The following SORCS1 variants were observed in gnomAD, a reference collection of about 807,000 sequenced individuals.
The protein encoded by SORCS1 is VPS10 domain-containing receptor SorCS1.
In SORCS1, 60 loss-of-function variants were observed where a neutral mutation model predicts 146.1. The ratio of observed to expected loss-of-function variants is 0.41; its 90% confidence interval spans 0.33 to 0.51. SORCS1 has a LOEUF of 0.51. SORCS1 is among the 20% of genes least tolerant of loss of function. SORCS1 has a pLI of 0.21. For missense variants in SORCS1, 1,352 were observed against 1,487.6 expected (o/e 0.91, Z 1.50); for synonymous variants, 637 against 584.0 (o/e 1.09, Z -1.31).
intron 10 of SORCS1, 52 bp downstream of exon 10, chr10:106,688,140 C>G: frequency 6.3e-7 from 1 of 1,578,328 alleles, no homozygotes; most frequent in Non-Finnish European, 8.6e-7. Flanking sequence ...GTTAAATATC[C>G]ATTTCCATCC....
intron 18 of SORCS1, among the ~76,000 whole-genome samples, chr10:106,639,513 T>C (rs1848929526): frequency 6.6e-6 from 1 of 152,210 alleles, no homozygotes; most frequent in Admixed American, 6.5e-5. Flanking sequence ...TAGAAAGAGT[T>C]GCTAACCAAT....
intron 2 of SORCS1, among the ~76,000 whole-genome samples, chr10:106,893,440 G>A (rs1951315893): frequency 6.6e-6 from 1 of 151,908 alleles, no homozygotes; most frequent in African/African-American, 2.4e-5. Context: ...GAGGGCAGGG[G>A]CTATGTACTT....
At chr10:106,720,126 C>T (rs927305458) in intron 6 of SORCS1, among the ~76,000 whole-genome samples, 3 of 152,270 alleles carry the variant, frequency 2.0e-5, no homozygotes, top group African/African-American at 7.2e-5. Context: ...ACTTCTCATA[C>T]AAATACTTCA....
chr10:106,859,456 C>T (rs560031126), intron 2 of SORCS1, among the ~76,000 whole-genome samples: 83 of 152,248 alleles, frequency 5.5e-4, no homozygotes, highest in African/African-American at 9.6e-4. Context: ...TGTGGCGGCG[C>T]GATGTTGGCT....
At chr10:106,799,585 A>G (rs761651907) in intron 3 of SORCS1, among the ~76,000 whole-genome samples, 32 of 152,284 alleles carry the variant, frequency 2.1e-4, no homozygotes, top group Non-Finnish European at 2.2e-4. Flanking sequence ...TGAACAGACA[A>G]TTCTCAAAAA....
chr10:106,675,111 T>G lies in SORCS1; in HGVS notation c.1878A>C (p.Thr626=). The change falls in exon 14 of 26, where the codon ACA becomes ACC. Residue 626 remains threonine, a synonymous_variant. Coordinates refer to ENST00000263054, the MANE Select transcript of SORCS1 (RefSeq NM_052918.5). The part of the protein sequence containing the change: ...EGRSWSKYSF[T]SIPLFVDGVL... ...CCCCATCCACAAAAAGTGGAATAGA[T>G]GTGAAACTGTATTTGCTCCAAGATC... 3 of 1,613,996 alleles carry G rather than the reference T, an allele frequency of 1.9e-6. No homozygotes were observed. The highest frequency in any genetic ancestry group is 2.5e-6 in the Non-Finnish European group (3 of 1,179,920).
rs545185104 is a variant in SORCS1 at position 107,148,545 on chromosome 10, A to T, written c.558+15424T>A. Among the ~76,000 whole-genome samples the T allele has an allele frequency of 3.5e-3, 526 of 152,372 alleles. 8 individuals are homozygous for T. The highest frequency in any genetic ancestry group is 0.012 in the African/African-American group (489 of 41,592). The stretch of plus-strand genomic sequence containing the variant: ...TAGGACAGATATAGCCCATGGGCTA[A>T]AATTTGGCCACCCCTGTGTAAATTA... On this transcript the variant is annotated intron_variant, in intron 1 of 25. Transcript: ENST00000263054.
intron 19 of SORCS1, among the ~76,000 whole-genome samples, chr10:106,625,049 G>A (rs990748951): frequency 1.3e-5 from 2 of 152,198 alleles, no homozygotes; most frequent in African/African-American, 4.8e-5. Context: ...ACAGTAGGTG[G>A]CGCTGCATCA....
chr10:106,922,950 G>A (rs1427540420), intron 2 of SORCS1, among the ~76,000 whole-genome samples: 4 of 148,782 alleles, frequency 2.7e-5, no homozygotes, highest in East Asian at 2.0e-4. Flanking sequence ...GTGTGGTGGC[G>A]CAATCTCAGC....
At chr10:107,106,630 A>T (rs1215068542) in intron 1 of SORCS1, among the ~76,000 whole-genome samples, 1 of 152,202 alleles carries the variant, frequency 6.6e-6, no homozygotes, top group Non-Finnish European at 1.5e-5. Context: ...AGGAATAAAG[A>T]TTCTCCTTTT....
intron 1 of SORCS1, among the ~76,000 whole-genome samples, chr10:107,034,699 A>C (rs1263169230): frequency 6.8e-6 from 1 of 146,732 alleles, no homozygotes; most frequent in African/African-American, 2.5e-5. Context: ...AAAAAAAAAA[A>C]AAAAAAAACA....
At chr10:106,740,141 A>G (rs2136099561) in intron 5 of SORCS1, among the ~76,000 whole-genome samples, 1 of 152,258 alleles carries the variant, frequency 6.6e-6, no homozygotes, top group Middle Eastern at 3.4e-3. Flanking sequence ...TAAGTTGTGG[A>G]AATGCAGTAC....
At chr10:106,723,395 GCA>G (rs34071599) in intron 6 of SORCS1, among the ~76,000 whole-genome samples, 3,065 of 149,248 alleles carry the variant, frequency 0.021, 93 homozygotes, top group African/African-American at 0.063. Context: ...CTCCTACGAT[GCA>G]CACACACACA....
intron 2 of SORCS1, among the ~76,000 whole-genome samples, chr10:106,909,950 T>C (rs983199673): frequency 1.3e-5 from 2 of 152,326 alleles, no homozygotes; most frequent in East Asian, 1.9e-4. Context: ...ATCCATGTTG[T>C]ATATCATGGC....
At chr10:106,830,824 A>G (rs2137020128) in intron 2 of SORCS1, among the ~76,000 whole-genome samples, 1 of 150,124 alleles carries the variant, frequency 6.7e-6, no homozygotes, top group African/African-American at 2.5e-5. Flanking sequence ...TGAAACCAGG[A>G]GGCAGAGACT....
At chr10:106,602,569 A>G (rs1846316517) in intron 23 of SORCS1, among the ~76,000 whole-genome samples, 1 of 151,674 alleles carries the variant, frequency 6.6e-6, no homozygotes, top group Non-Finnish European at 1.5e-5. Context: ...ACACAAATTT[A>G]GCCTGATTAA....
chr10:106,824,427 T>A (rs1035748129), intron 3 of SORCS1, among the ~76,000 whole-genome samples: 3 of 151,290 alleles, frequency 2.0e-5, no homozygotes, highest in African/African-American at 7.3e-5. Context: ...CCACCTCTAC[T>A]AAAAATATGA....
chr10:107,122,681 C>G (rs1337057009), intron 1 of SORCS1, among the ~76,000 whole-genome samples: 1 of 152,008 alleles, frequency 6.6e-6, no homozygotes, highest in African/African-American at 2.4e-5. Flanking sequence ...AAATGTCTAT[C>G]ATCTCCTTAC....
chr10:106,755,965 C>T (rs754193860), intron 5 of SORCS1, among the ~76,000 whole-genome samples: 1 of 151,964 alleles, frequency 6.6e-6, no homozygotes, highest in Admixed American at 6.6e-5. Context: ...TCCGTCTCTA[C>T]TAAAATACAA....
Sources: gnomAD v4.1 joint callset for allele counts (sites outside exome capture counted in the v4.1 genomes callset) on GRCh38, gnomAD v4.1.1 for gene constraint, MANE v1.5 for transcripts, NCBI Gene and HGNC (gene_info 2026-07-23, HGNC 2026-07-21) for gene names.